SMYD3: variants seen among roughly 807,000 people sequenced by gnomAD.
SMYD3 encodes histone-lysine N-methyltransferase SMYD3.
In SMYD3, 36 loss-of-function variants were observed where a neutral mutation model predicts 57.7. The ratio of observed to expected loss-of-function variants is 0.62; its 90% CI spans 0.48 to 0.82. SMYD3 has a LOEUF of 0.82. Among genes scored for constraint, SMYD3 ranks in the 40% least tolerant of loss-of-function variants. The pLI, the probability that SMYD3 is intolerant of heterozygous loss-of-function variation, is 0.00. For synonymous variants in SMYD3, 211 were observed against 195.0 expected (o/e 1.08, Z -0.68); for missense variants, 515 against 538.8 (o/e 0.96, Z 0.44).
At chr1:246,307,768 C>T (rs1039772981) in intron 5 of SMYD3, among the ~76,000 whole-genome samples, 1 of 152,078 alleles carries the variant, frequency 6.6e-6, no homozygotes, top group African/African-American at 2.4e-5. Context: ...GGAGGGCTCA[C>T]AAAGGGAAGT....
chr1:246,464,645 CTGTT>C (rs1465739139), intron 1 of SMYD3, among the ~76,000 whole-genome samples: 1 of 152,198 alleles, frequency 6.6e-6, no homozygotes, highest in Non-Finnish European at 1.5e-5. Flanking sequence ...TCTAGGTAAA[CTGTT>C]TGTGTGTCTG....
At chr1:245,749,744 C>T in intron 11 of SMYD3, 80 bp from the exon 12 acceptor site, 1 of 1,110,306 alleles carries the variant, frequency 9.0e-7, no homozygotes, top group Non-Finnish European at 1.4e-6. Context: ...CCCATGATGC[C>T]AGGGGCCTGG....
chr1:246,488,635 G>A (rs898033587), intron 1 of SMYD3, among the ~76,000 whole-genome samples: 5 of 152,158 alleles, frequency 3.3e-5, no homozygotes, highest in Non-Finnish European at 5.9e-5. Flanking sequence ...GCAGTGTGCC[G>A]AGATCGCACC....
intron 1 of SMYD3, among the ~76,000 whole-genome samples, chr1:246,401,236 C>T (rs1034746566): frequency 6.6e-6 from 1 of 152,192 alleles, no homozygotes; most frequent in Non-Finnish European, 1.5e-5. Context: ...TGGCTCACAC[C>T]TCTAAATCTC....
At chr1:246,376,589 TA>T (rs55996523) in intron 1 of SMYD3, among the ~76,000 whole-genome samples, 5,320 of 85,110 alleles carry the variant, frequency 0.063, 130 homozygotes, top group Non-Finnish European at 0.087. Flanking sequence ...ACACTCCATC[TA>T]AAAAAAAAAA....
intron 8 of SMYD3, among the ~76,000 whole-genome samples, chr1:245,881,750 A>G (rs2052790218): frequency 6.6e-6 from 1 of 152,260 alleles, no homozygotes; most frequent in African/African-American, 2.4e-5. Flanking sequence ...TGAGGAGAGC[A>G]GCACCTGATT....
chr1:246,421,018 T>G (rs2067135725), intron 1 of SMYD3, among the ~76,000 whole-genome samples: 1 of 152,212 alleles, frequency 6.6e-6, no homozygotes, highest in Non-Finnish European at 1.5e-5. Context: ...TCTAAACTCC[T>G]CAAATAGCTA....
chr1:245,843,489 C>T (rs1452707742), intron 10 of SMYD3, among the ~76,000 whole-genome samples: 2 of 151,596 alleles, frequency 1.3e-5, no homozygotes, highest in African/African-American at 2.4e-5. Flanking sequence ...TTAAAATATC[C>T]ACCATGTGGC....
At chr1:246,064,338 G>T (rs911954805) in intron 5 of SMYD3, among the ~76,000 whole-genome samples, 2 of 152,080 alleles carry the variant, frequency 1.3e-5, no homozygotes, top group Admixed American at 6.5e-5. Flanking sequence ...TCTCCCTTTT[G>T]TACTCTCTGT....
At chr1:245,761,831 G>A (rs2045858050) in intron 11 of SMYD3, among the ~76,000 whole-genome samples, 1 of 143,028 alleles carries the variant, frequency 7.0e-6, no homozygotes, top group South Asian at 2.1e-4. Flanking sequence ...TGTCGCCCAG[G>A]CTGGAGTGCA....
In SMYD3 at chr1:246,444,257, T is replaced by C. The variant is rs150968116; in HGVS notation, c.164+62797A>G. Among the ~76,000 whole-genome samples the C allele has an allele frequency of 3.3e-3, 501 of 151,904 alleles. 7 individuals carry two copies. Among genetic ancestry groups the C allele is most frequent in the African/African-American group, 0.011 (452 of 41,454 alleles). On this transcript the variant is annotated intron_variant, in intron 1 of 11. Transcript: ENST00000490107. ...TTTTCTGCCTCAGCCTCCCAAGTAG[T>C]TGGGATTACAGGCATGTGCCACCAC...
At chr1:245,755,313 T>A (rs1005000171) in intron 11 of SMYD3, among the ~76,000 whole-genome samples, 2 of 152,280 alleles carry the variant, frequency 1.3e-5, no homozygotes, top group African/African-American at 4.8e-5. Context: ...TTTTGTGGCA[T>A]AAAATGGTCT....
At chr1:246,379,201 G>A (rs2066347509) in intron 1 of SMYD3, among the ~76,000 whole-genome samples, 1 of 150,088 alleles carries the variant, frequency 6.7e-6, no homozygotes, top group Non-Finnish European at 1.5e-5. Flanking sequence ...TTAATCTCTT[G>A]AAACCACTGA....
intron 5 of SMYD3, among the ~76,000 whole-genome samples, chr1:246,166,875 C>G (rs2062222113): frequency 6.6e-6 from 1 of 152,186 alleles, no homozygotes. Context: ...CCAACCTATC[C>G]AGCTCCAAAA....
chr1:246,479,382 C>T (rs1028635330), intron 1 of SMYD3, among the ~76,000 whole-genome samples: 2 of 152,046 alleles, frequency 1.3e-5, no homozygotes, highest in Admixed American at 6.5e-5. Context: ...ACTTAATTTA[C>T]GAGGTTGTTC....
At chr1:245,906,694 A>G (rs1367039204) in intron 8 of SMYD3, among the ~76,000 whole-genome samples, 2 of 152,210 alleles carry the variant, frequency 1.3e-5, no homozygotes, top group Non-Finnish European at 2.9e-5. Flanking sequence ...CTGCACTCCT[A>G]TGTTTGTTGC....
At chr1:245,921,173 G>A (rs563688483) in intron 7 of SMYD3, among the ~76,000 whole-genome samples, 5 of 152,238 alleles carry the variant, frequency 3.3e-5, no homozygotes, top group Admixed American at 3.3e-4. Flanking sequence ...AACAAACATG[G>A]TTTTAAATGC....
chr1:246,292,284 A>T (rs961641115), intron 5 of SMYD3, among the ~76,000 whole-genome samples: 4 of 151,844 alleles, frequency 2.6e-5, no homozygotes, highest in Non-Finnish European at 4.4e-5. Context: ...ACACACCAGT[A>T]CCTTAGACTT....
chr1:246,172,955 C>T (rs1394031728), intron 5 of SMYD3, among the ~76,000 whole-genome samples: 1 of 151,232 alleles, frequency 6.6e-6, no homozygotes, highest in Non-Finnish European at 1.5e-5. Context: ...AGAACACTCA[C>T]TGTACTCTAC....
Sources: gnomAD v4.1 joint callset for allele counts (sites outside exome capture counted in the v4.1 genomes callset) on GRCh38, gnomAD v4.1.1 for gene constraint, MANE v1.5 for transcripts, NCBI Gene and HGNC (gene_info 2026-07-23, HGNC 2026-07-21) for gene names.